Variants in PLXDC2 observed in about 807,000 individuals in gnomAD.
The protein encoded by PLXDC2 is plexin domain-containing protein 2.
Under a neutral mutation model 68.9 loss-of-function variants are expected in PLXDC2, and 40 were observed. The observed-to-expected ratio is 0.58, with a 90% CI of 0.45 to 0.76. PLXDC2 has a LOEUF of 0.76. Among genes scored for constraint, PLXDC2 ranks in the 30% least tolerant of loss-of-function variants. The pLI, the probability that PLXDC2 is intolerant of heterozygous loss-of-function variation, is 0.00. For missense variants in PLXDC2, 644 were observed against 661.9 expected (o/e 0.97, Z 0.30); for synonymous variants, 243 against 234.2 (o/e 1.04, Z -0.34).
rs913459976 is a variant in PLXDC2 at position 20,072,606 on chromosome 10, A to G, written c.541+4367A>G. On this transcript the variant is annotated intron_variant, in intron 4 of 13. Coordinates refer to ENST00000377252, the MANE Select transcript of PLXDC2 (RefSeq NM_032812.9). ...ACATCCAGCAAGCATTGGGTTTCTT[A>G]GAGAAGTAGATCTGGCCTGATCTGT... is the stretch of plus-strand genomic sequence containing the variant. Among the ~76,000 whole-genome samples the G allele has an allele frequency of 8.5e-5, 13 of 152,228 alleles. No individual in the cohort carries two copies. The East Asian group carries it at 2.3e-3, about 27-fold the overall frequency.
chr10:19,977,643 A>G (rs1246663341), intron 1 of PLXDC2, among the ~76,000 whole-genome samples: 1 of 152,128 alleles, frequency 6.6e-6, no homozygotes. Context: ...AGGCTGGGAA[A>G]TTCGAGATCC....
At chr10:19,846,420 G>T (rs1049122441) in intron 1 of PLXDC2, among the ~76,000 whole-genome samples, 4 of 152,140 alleles carry the variant, frequency 2.6e-5, no homozygotes, top group Admixed American at 6.5e-5. Flanking sequence ...AAGTCTTACT[G>T]ATGGGTTATG....
At chr10:20,251,882 A>C (rs1835680165) in intron 13 of PLXDC2, among the ~76,000 whole-genome samples, 1 of 152,080 alleles carries the variant, frequency 6.6e-6, no homozygotes, top group Non-Finnish European at 1.5e-5. Context: ...ATTGATAAGA[A>C]CCTCATGATA....
At chr10:19,878,754 T>G (rs892241082) in intron 1 of PLXDC2, among the ~76,000 whole-genome samples, 5 of 152,228 alleles carry the variant, frequency 3.3e-5, no homozygotes, top group African/African-American at 4.8e-5. Flanking sequence ...TCATTTTGTG[T>G]CTTTTTTCCA....
chr10:20,080,816 A>T (rs1836542107), intron 4 of PLXDC2, among the ~76,000 whole-genome samples: 1 of 152,214 alleles, frequency 6.6e-6, no homozygotes, highest in Non-Finnish European at 1.5e-5. Context: ...AAATGTAGAG[A>T]CACAGGCACA....
At chr10:20,183,839 T>C (rs1359352706) in intron 9 of PLXDC2, among the ~76,000 whole-genome samples, 2 of 151,990 alleles carry the variant, frequency 1.3e-5, no homozygotes, top group Admixed American at 1.3e-4. Context: ...GAGAAGTAAA[T>C]TGGAGCATGG....
intron 6 of PLXDC2, among the ~76,000 whole-genome samples, chr10:20,163,078 G>A (rs953022715): frequency 1.3e-4 from 19 of 151,948 alleles, no homozygotes; most frequent in African/African-American, 3.9e-4. Context: ...AAAAAATAAA[G>A]TATATCAGAC....
At chr10:19,972,950 G>C (rs894156712) in intron 1 of PLXDC2, among the ~76,000 whole-genome samples, 5 of 151,940 alleles carry the variant, frequency 3.3e-5, no homozygotes, top group Non-Finnish European at 1.5e-5. Flanking sequence ...AAAATTGTAT[G>C]TTAACTTGTA....
chr10:19,952,863 A>G (rs1834012331), intron 1 of PLXDC2, among the ~76,000 whole-genome samples: 1 of 152,146 alleles, frequency 6.6e-6, no homozygotes, highest in Non-Finnish European at 1.5e-5. Flanking sequence ...TCTGGCCAGA[A>G]GGGAGTCAAC....
At chr10:20,088,437 G>T (rs1833229846) in intron 4 of PLXDC2, among the ~76,000 whole-genome samples, 1 of 152,110 alleles carries the variant, frequency 6.6e-6, no homozygotes, top group African/African-American at 2.4e-5. Flanking sequence ...CTGTTACTCT[G>T]GGATAACTAT....
At position 20,001,926 on chromosome 10, in the gene PLXDC2, G is replaced by T; in HGVS notation, c.264G>T (p.Glu88Asp). 5 of 1,613,326 alleles carry T rather than the reference G, an allele frequency of 3.1e-6. No individual in the cohort carries two copies. The highest frequency in any genetic ancestry group is 4.2e-6 in the Non-Finnish European group (5 of 1,179,986). Residue 88 changes from glutamate to aspartate, a missense_variant, in exon 2 of 14, where the codon GAG (glutamate) becomes GAT (aspartate). Around this residue, in one of 3 missense-constraint regions of PLXDC2, gnomAD observed 201 missense variants for 166.9 expected, o/e 1.20. Coordinates refer to ENST00000377252, the MANE Select transcript of PLXDC2 (RefSeq NM_032812.9). Reference protein sequence around the residue: ...NRASVGQDSPEPRSFTDLLLD... With the variant: ...NRASVGQDSPDPRSFTDLLLD... ...CAAGCGTCGGCCAAGACTCTCCTGAGCCCAGAAGCTTCACAGACCTGCTGC... is the reference window on the plus strand; with the variant it reads ...CAAGCGTCGGCCAAGACTCTCCTGATCCCAGAAGCTTCACAGACCTGCTGC...
At chr10:20,153,022 T>C (rs1040662440) in intron 6 of PLXDC2, among the ~76,000 whole-genome samples, 4 of 152,190 alleles carry the variant, frequency 2.6e-5, no homozygotes, top group Non-Finnish European at 5.9e-5. Context: ...CTTACTCTTC[T>C]AGTCCTTCAG....
intron 1 of PLXDC2, among the ~76,000 whole-genome samples, chr10:19,822,251 C>T (rs1001534253): frequency 6.7e-6 from 1 of 148,516 alleles, no homozygotes; most frequent in African/African-American, 2.5e-5. Context: ...TATAAATGCC[C>T]TATATATGCA....
At chr10:20,063,813 A>G (rs540726793) in intron 3 of PLXDC2, among the ~76,000 whole-genome samples, 1 of 152,282 alleles carries the variant, frequency 6.6e-6, no homozygotes, top group South Asian at 2.1e-4. Context: ...TGTAGGTGCC[A>G]TAAATTTACT....
At position 20,235,370 on chromosome 10, in the gene PLXDC2, A is replaced by G. The variant is rs1835419535; in HGVS notation, c.1313-9975A>G. Among the ~76,000 whole-genome samples, 4 of 152,254 alleles carry G rather than the reference A, an allele frequency of 2.6e-5. No homozygotes were observed. The South Asian group carries it at 8.3e-4, about 31-fold the overall frequency. On this transcript the variant is annotated intron_variant, in intron 12 of 13. Coordinates refer to ENST00000377252, the MANE Select transcript of PLXDC2 (RefSeq NM_032812.9). Reference sequence around the variant, plus strand: ...ATGAGAGTTAATAATAGTATTAACAATAATACTGAAGATCAATATAACAAA... The same window carrying G: ...ATGAGAGTTAATAATAGTATTAACAGTAATACTGAAGATCAATATAACAAA...
intron 1 of PLXDC2, among the ~76,000 whole-genome samples, chr10:19,903,376 T>A (rs1354934644): frequency 1.3e-5 from 2 of 151,752 alleles, no homozygotes; most frequent in African/African-American, 4.8e-5. Context: ...CTGTTCAGAG[T>A]TTCTACATCT....
At chr10:20,131,561 A>G (rs1833868493) in intron 4 of PLXDC2, among the ~76,000 whole-genome samples, 1 of 151,946 alleles carries the variant, frequency 6.6e-6, no homozygotes, top group Non-Finnish European at 1.5e-5. Flanking sequence ...CACCATGCCC[A>G]GCTAATTTTT....
intron 12 of PLXDC2, among the ~76,000 whole-genome samples, chr10:20,236,098 C>T (rs982358106): frequency 6.6e-6 from 1 of 151,962 alleles, no homozygotes; most frequent in African/African-American, 2.4e-5. Context: ...TTTCTTTTTC[C>T]CTGTGGATTC....
At chr10:19,986,349 A>G (rs1834639278) in intron 1 of PLXDC2, among the ~76,000 whole-genome samples, 1 of 152,172 alleles carries the variant, frequency 6.6e-6, no homozygotes, top group African/African-American at 2.4e-5. Flanking sequence ...ATAGAAAATT[A>G]AATCAGTTTT....
Sources: gnomAD v4.1 joint callset for allele counts (sites outside exome capture counted in the v4.1 genomes callset) on GRCh38, gnomAD v4.1.1 for gene constraint, gnomAD v4.1.1 regional missense constraint, MANE v1.5 for transcripts, NCBI Gene and HGNC (gene_info 2026-07-23, HGNC 2026-07-21) for gene names.